The following DPYD variants were observed in gnomAD, a reference collection of about 807,000 sequenced individuals.
The protein encoded by DPYD is dihydropyrimidine dehydrogenase [NADP(+)].
In DPYD, 109 loss-of-function variants were observed where a neutral mutation model predicts 116.2. The observed-to-expected ratio is 0.94, with a 90% CI of 0.80 to 1.10. The LOEUF (loss-of-function observed/expected upper bound fraction) is 1.10. Among genes scored for constraint, DPYD ranks in the 50% least tolerant of loss-of-function variants. DPYD has a pLI of 0.00. For missense variants in DPYD, 1,302 were observed against 1,254.5 expected, an observed-to-expected ratio of 1.04 and a Z score of -0.57; for synonymous variants, 440 against 432.0, an observed-to-expected ratio of 1.02 and a Z score of -0.23.
chr1:97,391,091 T>A (rs1338653026), intron 14 of DPYD, among the ~76,000 whole-genome samples: 1 of 149,474 alleles, frequency 6.7e-6, no homozygotes, highest in Non-Finnish European at 1.5e-5. Flanking sequence ...CCTCTGTCAA[T>A]TTCTCACATG....
At chr1:97,776,616 G>A (rs1472344423) in intron 3 of DPYD, among the ~76,000 whole-genome samples, 1 of 152,128 alleles carries the variant, frequency 6.6e-6, no homozygotes, top group East Asian at 1.9e-4. Context: ...AGAAGAAGTA[G>A]TGGAGACCCA....
At chr1:97,459,083 T>C (rs1214267119) in intron 13 of DPYD, among the ~76,000 whole-genome samples, 7 of 152,154 alleles carry the variant, frequency 4.6e-5, no homozygotes, top group African/African-American at 1.4e-4. Context: ...TGCTTAAAAA[T>C]ACGAGAGACT....
chr1:97,125,813 C>T (rs1444777934), intron 20 of DPYD, among the ~76,000 whole-genome samples: 1 of 152,054 alleles, frequency 6.6e-6, no homozygotes, highest in Non-Finnish European at 1.5e-5. Context: ...AGACACCAAA[C>T]CTGCTAGCAC....
chr1:97,171,577 G>T (rs1656727980), intron 20 of DPYD, among the ~76,000 whole-genome samples: 1 of 152,136 alleles, frequency 6.6e-6, no homozygotes, highest in Admixed American at 6.6e-5. Flanking sequence ...ATGGGACCTA[G>T]GACAACTTCC....
chr1:97,115,143 A>G (rs1306301384), intron 20 of DPYD, among the ~76,000 whole-genome samples: 1 of 152,168 alleles, frequency 6.6e-6, no homozygotes, highest in Non-Finnish European at 1.5e-5. Flanking sequence ...TGTGGGTTCT[A>G]TTACACAGAG....
intron 20 of DPYD, among the ~76,000 whole-genome samples, chr1:97,173,476 GT>G (rs1657014342): frequency 6.9e-6 from 1 of 144,964 alleles, no homozygotes; most frequent in Admixed American, 6.9e-5. Context: ...CACACATAAT[GT>G]GTATATATAT....
intron 13 of DPYD, among the ~76,000 whole-genome samples, chr1:97,466,490 T>G (rs1218793595): frequency 6.6e-6 from 1 of 151,526 alleles, no homozygotes. Flanking sequence ...ATCGAGTCAG[T>G]CACTTAGATG....
At chr1:97,332,144 C>A (rs1013955753) in intron 16 of DPYD, among the ~76,000 whole-genome samples, 7 of 152,084 alleles carry the variant, frequency 4.6e-5, no homozygotes, top group Non-Finnish European at 1.0e-4. Flanking sequence ...AGTCATACAC[C>A]CTTCTTGTCC....
chr1:97,650,429 A>T (rs1187478388), intron 8 of DPYD, among the ~76,000 whole-genome samples: 1 of 152,220 alleles, frequency 6.6e-6, no homozygotes, highest in Admixed American at 6.6e-5. Context: ...CTAAGGCAAC[A>T]ATGGTCAAAA....
In DPYD at chr1:97,160,750, C is replaced by A. The variant is rs371840268; in HGVS notation, c.2622+32319G>T. Among the ~76,000 whole-genome samples, 10 of 152,238 alleles carry A rather than the reference C, an allele frequency of 6.6e-5. No homozygotes were observed. The East Asian group carries it at 1.9e-3, about 29-fold the overall frequency. On this transcript the variant is annotated intron_variant, in intron 20 of 22. Coordinates refer to ENST00000370192, the MANE Select transcript of DPYD (RefSeq NM_000110.4). The stretch of plus-strand genomic sequence containing the variant: ...CAACCTAAATTGTTTACTTCATCCA[C>A]AAGAGACTGTACTATGACTGGGATT...
intron 2 of DPYD, among the ~76,000 whole-genome samples, chr1:97,843,823 C>T (rs1371669668): frequency 6.6e-6 from 1 of 151,944 alleles, no homozygotes; most frequent in East Asian, 1.9e-4. Flanking sequence ...GGCATCTGCC[C>T]TCATAAGCTT....
At chr1:97,355,856 T>G (rs187217523) in intron 16 of DPYD, among the ~76,000 whole-genome samples, 1 of 152,326 alleles carries the variant, frequency 6.6e-6, no homozygotes, top group East Asian at 1.9e-4. Flanking sequence ...ATTCCATAAG[T>G]TGCCTATTGT....
At chr1:97,272,586 A>G (rs373442770) in intron 18 of DPYD, among the ~76,000 whole-genome samples, 13 of 152,130 alleles carry the variant, frequency 8.5e-5, no homozygotes, top group African/African-American at 2.9e-4. Context: ...CATATATTCA[A>G]TCATAAAACT....
chr1:97,471,000 A>C (rs1385670938), intron 13 of DPYD, among the ~76,000 whole-genome samples: 1 of 152,192 alleles, frequency 6.6e-6, no homozygotes, highest in Non-Finnish European at 1.5e-5. Context: ...CAAAAAAAAA[A>C]AGGTTTCTGA....
At position 97,305,310 on chromosome 1, in the gene DPYD, G is replaced by A. The variant is rs1483485944; in HGVS notation, c.2248C>T (p.Pro750Ser). 2 of 1,612,320 alleles carry A rather than the reference G, an allele frequency of 1.2e-6. No individual in the cohort carries two copies. The highest frequency in any genetic ancestry group is 1.7e-6 in the Non-Finnish European group (2 of 1,178,988). Residue 750 changes from proline (P) to serine (S), a missense_variant, in exon 18 of 23, where the codon CCT becomes TCT. By Grantham distance (74) the Pro-to-Ser change is moderately conservative. Transcript: ENST00000370192. Reference sequence around the variant, plus strand: ...TTTGCAATCCCCACTGCTGGCCAAGGTGTGCCATCAGATTTTAATCCCATC... The same window carrying A: ...TTTGCAATCCCCACTGCTGGCCAAGATGTGCCATCAGATTTTAATCCCATC... ...GLMGLKSDGT[P>S]WPAVGIAKRT...
intron 13 of DPYD, among the ~76,000 whole-genome samples, chr1:97,509,477 T>A (rs566507640): frequency 6.6e-6 from 1 of 152,064 alleles, no homozygotes; most frequent in South Asian, 2.1e-4. Flanking sequence ...TCAGCAGTGA[T>A]AATTTGGAAA....
intron 19 of DPYD, among the ~76,000 whole-genome samples, chr1:97,217,584 G>A (rs139298158): frequency 5.9e-4 from 90 of 151,354 alleles, no homozygotes; most frequent in Middle Eastern, 3.4e-3. Flanking sequence ...AAATAAATGT[G>A]TGCCCAAATT....
At chr1:97,553,102 C>A (rs1163977608) in intron 11 of DPYD, among the ~76,000 whole-genome samples, 1 of 151,818 alleles carries the variant, frequency 6.6e-6, no homozygotes, top group Non-Finnish European at 1.5e-5. Context: ...ATGACTATCA[C>A]AACTGGAATA....
At chr1:97,098,797 C>T (rs971646812) in intron 20 of DPYD, among the ~76,000 whole-genome samples, 165 bp from the exon 21 acceptor site, 5 of 151,910 alleles carry the variant, frequency 3.3e-5, no homozygotes, top group Non-Finnish European at 7.4e-5. Flanking sequence ...CTAGTCTTCT[C>T]GGTATCAGGT....
Sources: gnomAD v4.1 joint callset for allele counts (sites outside exome capture counted in the v4.1 genomes callset) on GRCh38, gnomAD v4.1.1 for gene constraint, MANE v1.5 for transcripts, NCBI Gene and HGNC (gene_info 2026-07-23, HGNC 2026-07-21) for gene names.